Variants in STK32C observed in about 807,000 individuals in gnomAD.
STK32C encodes serine/threonine kinase 32C.
STK32C carries 31 observed loss-of-function variants against 56.5 expected under a neutral mutation model. The ratio of observed to expected loss-of-function variants is 0.55; its 90% CI spans 0.41 to 0.74. The LOEUF is 0.74. Among genes scored for constraint, STK32C ranks in the 30% least tolerant of loss-of-function variants. The probability of loss-of-function intolerance (pLI) is 0.00; values close to 1 mark genes in which losing one functional copy is unlikely to be tolerated. For missense variants in STK32C, 544 were observed against 676.9 expected (o/e 0.80, Z 2.18); for synonymous variants, 309 against 289.4 (o/e 1.07, Z -0.69).
At chr10:132,326,619 A>G (rs372960553) in intron 1 of STK32C, among the ~76,000 whole-genome samples, 1 of 152,224 alleles carries the variant, frequency 6.6e-6, no homozygotes, top group African/African-American at 2.4e-5. Flanking sequence ...CACCTCGCCC[A>G]GCCAAGATCT....
intron 1 of STK32C, among the ~76,000 whole-genome samples, chr10:132,268,459 GT>G (rs1224248447): frequency 2.8e-5 from 4 of 143,448 alleles, no homozygotes; most frequent in Non-Finnish European, 6.0e-5. Flanking sequence ...GTGCATGCAT[GT>G]CCCACATCGT....
intron 1 of STK32C, among the ~76,000 whole-genome samples, chr10:132,317,926 C>T (rs1344669940): frequency 7.0e-6 from 1 of 143,244 alleles, no homozygotes; most frequent in Non-Finnish European, 1.5e-5. Flanking sequence ...TGCAGTGAAC[C>T]GAGATCACAC....
At chr10:132,239,404 C>T (rs564656223) in intron 2 of STK32C, among the ~76,000 whole-genome samples, 7 of 152,366 alleles carry the variant, frequency 4.6e-5, no homozygotes, top group Non-Finnish European at 7.3e-5. Flanking sequence ...TCAGCAAAAA[C>T]CCAAACAAAG....
downstream of STK32C, among the ~76,000 whole-genome samples, chr10:132,319,168 C>G (rs930544593): frequency 1.3e-5 from 2 of 152,132 alleles, no homozygotes; most frequent in African/African-American, 4.8e-5. Context: ...AGGCTGGTCT[C>G]GAAATCCTGA....
At chr10:132,214,715 A>T (rs61048497) in intron 10 of STK32C, among the ~76,000 whole-genome samples, 16,899 of 152,280 alleles carry the variant, frequency 0.11, 2,174 homozygotes, top group East Asian at 0.38. Context: ...AATGAATGAC[A>T]GCAATGTCAT....
At chr10:132,215,837 G>T (rs530150995) in intron 10 of STK32C, among the ~76,000 whole-genome samples, 1 of 152,320 alleles carries the variant, frequency 6.6e-6, no homozygotes, top group Non-Finnish European at 1.5e-5. Flanking sequence ...GAACTTCCTA[G>T]AGACTTGTTG....
Position 132,307,616 on chromosome 10 carries a change from G to A in STK32C, c.218C>T (p.Ser73Leu). 1 of 1,560,908 alleles carries A rather than the reference G, an allele frequency of 6.4e-7. No homozygotes were observed. The highest frequency in any genetic ancestry group is 2.7e-5 in the East Asian group (1 of 37,704). Reference protein sequence around the residue: ...KWKKRMGSSMSAATARRPVFD... With the variant: ...KWKKRMGSSMLAATARRPVFD... Reference sequence around the variant, plus strand: ...CACCGGCCTCCGCGCGGTGGCCGCCGACATGGACGAGCCCATCCTCTTCTT... The same window carrying A: ...CACCGGCCTCCGCGCGGTGGCCGCCAACATGGACGAGCCCATCCTCTTCTT... The change falls in exon 1 of 12, where the codon TCG becomes TTG. Residue 73 changes from serine (S) to leucine (L), a missense_variant. Transcript: ENST00000298630. The surrounding 1 kb of genome is among the most constrained non-coding windows in gnomAD (Gnocchi z 4.4).
upstream of STK32C, among the ~76,000 whole-genome samples, chr10:132,310,039 C>G (rs865798382): frequency 1.7e-4 from 26 of 152,320 alleles, no homozygotes; most frequent in Non-Finnish European, 1.5e-4. This position sits in a 1 kb window ranked among gnomAD's most constrained non-coding sequence, Gnocchi z 4.6. Context: ...CCCAGGACGC[C>G]TCCCCGGCCC....
chr10:132,231,862 C>A (rs574131904), intron 2 of STK32C, among the ~76,000 whole-genome samples: 1 of 152,236 alleles, frequency 6.6e-6, no homozygotes, highest in Non-Finnish European at 1.5e-5. Context: ...AGCCACCAGA[C>A]GCCGGGAGAA....
intron 1 of STK32C, among the ~76,000 whole-genome samples, chr10:132,289,154 G>GGTA (rs2065496661): frequency 6.6e-6 from 1 of 152,170 alleles, no homozygotes; most frequent in African/African-American, 2.4e-5. Context: ...AAAGCACGAA[G>GGTA]GTAATCCAAT....
chr10:132,258,886 G>A (rs11146272), intron 1 of STK32C, among the ~76,000 whole-genome samples: 42,741 of 152,240 alleles, frequency 0.28, 6,405 homozygotes, highest in Non-Finnish European at 0.34. Context: ...GTCTCCGCCC[G>A]TGGGCAGACG....
intron 1 of STK32C, chr10:132,249,061 G>C (rs545075466): frequency 4.2e-6 from 2 of 478,396 alleles, no homozygotes; most frequent in East Asian, 6.2e-5. Flanking sequence ...CGACGGAGGC[G>C]GCGGCTCCGG....
At chr10:132,228,239 A>G in intron 2 of STK32C, 111 bp from the exon 3 acceptor site, 1 of 1,418,242 alleles carries the variant, frequency 7.1e-7, no homozygotes, top group Non-Finnish European at 9.9e-7. Context: ...ACACAAGGGG[A>G]CACCTGGGGA....
chr10:132,273,137 A>G (rs935193876), intron 1 of STK32C, among the ~76,000 whole-genome samples: 4 of 152,092 alleles, frequency 2.6e-5, no homozygotes, highest in Non-Finnish European at 5.9e-5. Flanking sequence ...CATCCTATAC[A>G]TTTACTTAGC....
At chr10:132,273,610 GTTAC>G (rs766211449) in intron 1 of STK32C, among the ~76,000 whole-genome samples, 2 of 152,174 alleles carry the variant, frequency 1.3e-5, no homozygotes, top group Non-Finnish European at 2.9e-5. Flanking sequence ...GAGTGAAGGA[GTTAC>G]TGAATGAGTG....
chr10:132,261,886 T>C (rs1030465373), intron 1 of STK32C, among the ~76,000 whole-genome samples: 1 of 152,186 alleles, frequency 6.6e-6, no homozygotes, highest in East Asian at 1.9e-4. Flanking sequence ...AATCTACTGA[T>C]TCAATGCTCC....
At chr10:132,267,697 G>A (rs1241285054) in intron 1 of STK32C, among the ~76,000 whole-genome samples, 2 of 135,966 alleles carry the variant, frequency 1.5e-5, no homozygotes, top group African/African-American at 2.9e-5. Flanking sequence ...GTGCATGCAG[G>A]TTCAGCTCTA....
At chr10:132,242,109 G>GGAAAAAA (rs1554982424) in intron 2 of STK32C, among the ~76,000 whole-genome samples, 1 of 149,234 alleles carries the variant, frequency 6.7e-6, no homozygotes, top group Non-Finnish European at 1.5e-5. Context: ...GACCCTGACT[G>GGAAAAAA]AAAAAATGCT....
At chr10:132,248,574 C>T (rs888651298) in intron 1 of STK32C, among the ~76,000 whole-genome samples, 2 of 152,248 alleles carry the variant, frequency 1.3e-5, no homozygotes, top group Non-Finnish European at 1.5e-5. Flanking sequence ...AGAGCCACAG[C>T]GGGCACAGGA....
Sources: gnomAD v4.1 joint callset for allele counts (sites outside exome capture counted in the v4.1 genomes callset) on GRCh38, gnomAD v4.1.1 for gene constraint, Gnocchi (gnomAD v3.1) non-coding constraint, MANE v1.5 for transcripts, NCBI Gene and HGNC (gene_info 2026-07-23, HGNC 2026-07-21) for gene names.